The following IL1RAPL2 variants were observed in gnomAD, a reference collection of about 807,000 sequenced individuals.
IL1RAPL2 encodes X-linked interleukin-1 receptor accessory protein-like 2.
In IL1RAPL2, 3 loss-of-function variants were observed where a neutral mutation model predicts 44.1. The observed-to-expected ratio is 0.07, with a 90% confidence interval of 0.03 to 0.18. The LOEUF is 0.18. Among genes scored for constraint, IL1RAPL2 ranks in the 10% least tolerant of loss-of-function variants. The pLI is 1.00. For synonymous variants in IL1RAPL2, 181 were observed against 178.8 expected, an observed-to-expected ratio of 1.01 and a Z score of -0.10; for missense variants, 391 against 496.4, an observed-to-expected ratio of 0.79 and a Z score of 2.02.
chrX:104,677,708 T>C (rs1569295652), intron 2 of IL1RAPL2, among the ~76,000 whole-genome samples: 1 of 112,099 alleles, frequency 8.9e-6, no homozygotes, highest in African/African-American at 3.2e-5. Context: ...CGCTGCCGCC[T>C]TGCAGTTTGA....
At chrX:105,613,481 A>G (rs1569458726) in intron 6 of IL1RAPL2, among the ~76,000 whole-genome samples, 2 of 112,017 alleles carry the variant, frequency 1.8e-5, no homozygotes, top group African/African-American at 6.5e-5. Flanking sequence ...CTTGCACCTT[A>G]GATACCACCT....
chrX:104,809,757 C>A (rs1932958573), intron 2 of IL1RAPL2, among the ~76,000 whole-genome samples: 1 of 111,411 alleles, frequency 9.0e-6, no homozygotes, highest in African/African-American at 3.3e-5. Context: ...TCAATTTTGT[C>A]TTTTGTTGCT....
chrX:104,960,033 A>G (rs763985021), intron 2 of IL1RAPL2, among the ~76,000 whole-genome samples: 8 of 112,193 alleles, frequency 7.1e-5, no homozygotes, highest in Admixed American at 1.9e-4. Context: ...TTGTAGCCAT[A>G]TAGCTCCTAC....
intron 10 of IL1RAPL2, among the ~76,000 whole-genome samples, chrX:105,766,233 C>T (rs1254397889): frequency 1.8e-5 from 2 of 111,885 alleles, no homozygotes; most frequent in Non-Finnish European, 3.8e-5. Context: ...ACACCATCCC[C>T]CACCTCCGAC....
chrX:104,878,808 G>A (rs1299824482), intron 2 of IL1RAPL2, among the ~76,000 whole-genome samples: 1 of 111,538 alleles, frequency 9.0e-6, no homozygotes, highest in South Asian at 3.7e-4. Flanking sequence ...ATATTACTGG[G>A]CATTCATGTA....
intron 6 of IL1RAPL2, among the ~76,000 whole-genome samples, chrX:105,674,215 A>G (rs1169317243): frequency 8.9e-6 from 1 of 111,825 alleles, no homozygotes; most frequent in African/African-American, 3.3e-5. Flanking sequence ...GCAATCGCTT[A>G]TGGTTATTTC....
chrX:105,313,072 T>C (rs1219879788), intron 5 of IL1RAPL2, among the ~76,000 whole-genome samples: 1 of 111,604 alleles, frequency 9.0e-6, no homozygotes, highest in Non-Finnish European at 1.9e-5. Flanking sequence ...ACACTGACAT[T>C]GTCAGAATTT....
chrX:105,342,681 C>G (rs1311289802), intron 5 of IL1RAPL2, among the ~76,000 whole-genome samples: 1 of 112,026 alleles, frequency 8.9e-6, no homozygotes, highest in Non-Finnish European at 1.9e-5. Context: ...AACTGTTAAT[C>G]AAAACAGACA....
intron 2 of IL1RAPL2, among the ~76,000 whole-genome samples, chrX:104,823,500 C>T (rs5917150): frequency 0.4 from 42,315 of 105,932 alleles, 6,940 homozygotes; most frequent in East Asian, 0.44. Flanking sequence ...AGTCTATCAT[C>T]GTTGGACATT....
chrX:105,233,735 G>A, intron 3 of IL1RAPL2, 83 bp from the exon 4 acceptor site: 1 of 808,172 alleles, frequency 1.2e-6, no homozygotes, highest in East Asian at 3.2e-5. Flanking sequence ...AAATGGAAAA[G>A]CCAATACTCT....
intron 2 of IL1RAPL2, among the ~76,000 whole-genome samples, chrX:105,193,422 A>G (rs2033648925): frequency 8.9e-6 from 1 of 112,068 alleles, no homozygotes; most frequent in Admixed American, 9.5e-5. Flanking sequence ...TTATTTTCTA[A>G]CATACTTATA....
At chrX:105,356,103 A>G (rs1746566151) in intron 5 of IL1RAPL2, among the ~76,000 whole-genome samples, 1 of 110,441 alleles carries the variant, frequency 9.1e-6, no homozygotes, top group Non-Finnish European at 1.9e-5. Flanking sequence ...AAATGTAAAA[A>G]TCTTAAAATG....
intron 2 of IL1RAPL2, among the ~76,000 whole-genome samples, chrX:104,916,315 T>A: frequency 8.9e-6 from 1 of 111,874 alleles, no homozygotes; most frequent in Admixed American, 9.5e-5. Flanking sequence ...CTAGATATTT[T>A]ATTCTCTTTG....
chrX:105,265,065 T>C (rs2034391230), intron 4 of IL1RAPL2, among the ~76,000 whole-genome samples: 1 of 112,106 alleles, frequency 8.9e-6, no homozygotes, highest in Non-Finnish European at 1.9e-5. Context: ...AGTTTTTACT[T>C]CCTGGGGAAA....
At chrX:105,283,605 C>A (rs2034548831) in intron 5 of IL1RAPL2, among the ~76,000 whole-genome samples, 1 of 110,915 alleles carries the variant, frequency 9.0e-6, no homozygotes. Flanking sequence ...AGTGCTATTT[C>A]CTGAAATGAG....
intron 2 of IL1RAPL2, among the ~76,000 whole-genome samples, chrX:104,896,194 G>A (rs933103745): frequency 8.9e-6 from 1 of 112,098 alleles, no homozygotes; most frequent in Non-Finnish European, 1.9e-5. Context: ...CAGCCATCTT[G>A]CTATTACTCG....
chrX:105,157,202 C>T (rs2033277328), intron 2 of IL1RAPL2, among the ~76,000 whole-genome samples: 1 of 109,366 alleles, frequency 9.1e-6, no homozygotes, highest in African/African-American at 3.3e-5. Context: ...CCAACATACA[C>T]AGTCCTCATA....
intron 6 of IL1RAPL2, among the ~76,000 whole-genome samples, chrX:105,676,697 A>T (rs1412280278): frequency 8.9e-6 from 1 of 112,149 alleles, no homozygotes; most frequent in African/African-American, 3.2e-5. Flanking sequence ...ATTTTGCTTG[A>T]TACCACATTG....
At chrX:105,200,150 G>A (rs948466824) in intron 3 of IL1RAPL2, among the ~76,000 whole-genome samples, 2 of 111,682 alleles carry the variant, frequency 1.8e-5, no homozygotes, top group Non-Finnish European at 3.8e-5. Flanking sequence ...AGGTAATTAC[G>A]AATGACTTTT....
Sources: allele counts gnomAD v4.1 joint callset (sites outside exome capture counted in the v4.1 genomes callset), GRCh38; gene constraint gnomAD v4.1.1; transcripts MANE v1.5; gene names NCBI Gene and HGNC (gene_info 2026-07-23, HGNC 2026-07-21).